Variants in RMDN2 observed in about 807,000 individuals in gnomAD.
RMDN2 encodes regulator of microtubule dynamics protein 2.
A neutral mutation model predicts 52.8 loss-of-function variants in RMDN2; 61 were observed. The observed-to-expected ratio is 1.16, with a 90% CI of 0.94 to 1.43. The LOEUF (loss-of-function observed/expected upper bound fraction) is 1.43, where lower values mean the gene tolerates loss of function less well. RMDN2 is among the 40% of genes most tolerant of loss of function. The pLI is 0.00. For missense variants in RMDN2, 592 were observed against 475.3 expected (o/e 1.25, Z -2.28); for synonymous variants, 180 against 153.1 (o/e 1.18, Z -1.30).
chr2:38,012,194 A>G (rs1337138202), intron 10 of RMDN2, among the ~76,000 whole-genome samples: 1 of 151,974 alleles, frequency 6.6e-6, no homozygotes, highest in Non-Finnish European at 1.5e-5. Flanking sequence ...TGCTCCTTCC[A>G]CTAGCTTTAT....
At chr2:37,927,371 T>G (rs1173809101) in intron 1 of RMDN2, among the ~76,000 whole-genome samples, 1 of 152,206 alleles carries the variant, frequency 6.6e-6, no homozygotes, top group Non-Finnish European at 1.5e-5. Flanking sequence ...CTCAGTTCAC[T>G]TATCTGCAAA....
At chr2:37,987,360 A>G (rs1674162459) in intron 5 of RMDN2, among the ~76,000 whole-genome samples, 2 of 152,330 alleles carry the variant, frequency 1.3e-5, no homozygotes, top group African/African-American at 4.8e-5. Context: ...TCAGGGCTAA[A>G]CAGAAATGAG....
chr2:38,050,061 C>T (rs1681494675), intron 10 of RMDN2, among the ~76,000 whole-genome samples: 1 of 152,198 alleles, frequency 6.6e-6, no homozygotes, highest in Admixed American at 6.5e-5. Flanking sequence ...CCATTTTACA[C>T]ATGAGGAAAC....
intron 10 of RMDN2, among the ~76,000 whole-genome samples, chr2:38,043,667 T>A (rs573171408): frequency 2.0e-4 from 30 of 152,220 alleles, no homozygotes; most frequent in African/African-American, 6.7e-4. Context: ...CAAGAAACAT[T>A]TTTGTGGTTG....
chr2:37,948,566 G>T (rs1460679776), intron 2 of RMDN2, among the ~76,000 whole-genome samples: 3 of 152,110 alleles, frequency 2.0e-5, no homozygotes, highest in Non-Finnish European at 4.4e-5. Flanking sequence ...ATTATAAGGG[G>T]TTACTATTTG....
intron 2 of RMDN2, among the ~76,000 whole-genome samples, chr2:37,948,176 C>T (rs1572744463): frequency 2.0e-5 from 3 of 152,148 alleles, no homozygotes; most frequent in South Asian, 2.1e-4. Context: ...GGACATACCC[C>T]GGACCTAGCG....
intron 5 of RMDN2, among the ~76,000 whole-genome samples, chr2:37,985,793 A>G (rs1024995214): frequency 6.6e-6 from 1 of 152,178 alleles, no homozygotes; most frequent in Non-Finnish European, 1.5e-5. Context: ...GTAAATATGA[A>G]AGGAAGGATG....
At chr2:37,933,971 A>G (rs1667080800) in intron 2 of RMDN2, among the ~76,000 whole-genome samples, 2 of 152,310 alleles carry the variant, frequency 1.3e-5, no homozygotes, top group South Asian at 4.1e-4. Flanking sequence ...GGGACTGAAG[A>G]CTGGCCATGG....
chr2:38,017,057 C>T (rs533321369), intron 10 of RMDN2, 129 bp from the exon 11 acceptor site: 63 of 419,600 alleles, frequency 1.5e-4, no homozygotes, highest in African/African-American at 1.1e-3. Flanking sequence ...GGTGATTGCA[C>T]GTACCCTCAT....
chr2:37,994,948 A>G (rs188576449), intron 7 of RMDN2, among the ~76,000 whole-genome samples: 1 of 152,336 alleles, frequency 6.6e-6, no homozygotes, highest in Admixed American at 6.5e-5. Flanking sequence ...TAGAAAAGGC[A>G]AATTATAGTC....
chr2:37,927,042 TATC>T (rs550680179), intron 1 of RMDN2, among the ~76,000 whole-genome samples: 47 of 152,388 alleles, frequency 3.1e-4, no homozygotes, highest in Non-Finnish European at 5.3e-4. Flanking sequence ...TTTTTCAAAT[TATC>T]AGTGTTGAAG....
intron 2 of RMDN2, among the ~76,000 whole-genome samples, chr2:37,968,000 C>G (rs1417506722): frequency 2.6e-5 from 4 of 152,156 alleles, no homozygotes; most frequent in Non-Finnish European, 5.9e-5. Flanking sequence ...GTATTTTTAT[C>G]TTTTAATTCC....
intron 8 of RMDN2, among the ~76,000 whole-genome samples, chr2:37,999,656 G>A (rs1424161056): frequency 6.6e-6 from 1 of 152,114 alleles, no homozygotes; most frequent in East Asian, 1.9e-4. Flanking sequence ...AGATGAAAGG[G>A]AAACAGCACA....
At chr2:37,946,016 T>G (rs1174108162) in intron 2 of RMDN2, among the ~76,000 whole-genome samples, 1 of 152,220 alleles carries the variant, frequency 6.6e-6, no homozygotes, top group Non-Finnish European at 1.5e-5. Flanking sequence ...AATACCTTTT[T>G]AAGCCTAACG....
At position 38,045,448 on chromosome 2, in the gene RMDN2, A is replaced by C. The variant is rs116712053; in HGVS notation, c.1714-21534A>C. ...TTCTATGCATATGTTTTTAATCTTGATGTTTGCATCTCATCTCACCTAATC... is the reference window on the plus strand; with the variant it reads ...TTCTATGCATATGTTTTTAATCTTGCTGTTTGCATCTCATCTCACCTAATC... On this transcript the variant is annotated intron_variant, in intron 10 of 10. Transcript: ENST00000234195. 5.0e-3 allele frequency among the ~76,000 whole-genome samples: 759 copies of C among 152,276 alleles called. 5 individuals are homozygous for C. Among genetic ancestry groups the C allele is most frequent in the African/African-American group, 0.014 (601 of 41,554 alleles).
chr2:38,063,290 A>AC (rs1682132510), intron 10 of RMDN2, among the ~76,000 whole-genome samples: 1 of 152,094 alleles, frequency 6.6e-6, no homozygotes, highest in African/African-American at 2.4e-5. Flanking sequence ...TTGTTTCCTG[A>AC]CTTTTTAATG....
chr2:37,959,960 G>C (rs922804874), intron 2 of RMDN2, among the ~76,000 whole-genome samples: 1 of 143,800 alleles, frequency 7.0e-6, no homozygotes, highest in Admixed American at 6.7e-5. Context: ...GCAGTTTTGA[G>C]TGAGTTTCTT....
At chr2:37,975,121 C>A (rs1672293988) in intron 3 of RMDN2, 91 bp from the exon 4 acceptor site, 1 of 748,502 alleles carries the variant, frequency 1.3e-6, no homozygotes, top group African/African-American at 1.8e-5. Flanking sequence ...GTTTACCTGC[C>A]TAAGTTTTTA....
At chr2:37,930,863 G>A (rs980662223) in intron 2 of RMDN2, among the ~76,000 whole-genome samples, 26 of 152,150 alleles carry the variant, frequency 1.7e-4, no homozygotes, top group African/African-American at 1.4e-4. Flanking sequence ...CCTCTGGCAC[G>A]GTGGGCCTTC....
Sources: gnomAD v4.1 joint callset for allele counts (sites outside exome capture counted in the v4.1 genomes callset) on GRCh38, gnomAD v4.1.1 for gene constraint, MANE v1.5 for transcripts, NCBI Gene and HGNC (gene_info 2026-07-23, HGNC 2026-07-21) for gene names.